FMN2: variants seen among roughly 807,000 people sequenced by gnomAD.
The protein encoded by FMN2 is formin-2.
FMN2 carries 51 observed loss-of-function variants against 142.3 expected under a neutral mutation model. That is an observed-to-expected ratio of 0.36 (90% CI 0.29 to 0.45). The LOEUF is 0.45. FMN2 is among the 20% of genes least tolerant of loss of function. FMN2 has a pLI of 1.00. For missense variants in FMN2, 1,936 were observed against 2,122.8 expected (o/e 0.91, Z 1.73); for synonymous variants, 882 against 869.8 (o/e 1.01, Z -0.25).
intron 13 of FMN2, among the ~76,000 whole-genome samples, chr1:240,344,182 G>A (rs529368010): frequency 3.7e-4 from 57 of 152,310 alleles, no homozygotes; most frequent in African/African-American, 1.3e-3. Context: ...AAACAATTGT[G>A]ATTTTGACAA....
At chr1:240,251,435 G>C (rs533564992) in intron 6 of FMN2, among the ~76,000 whole-genome samples, 1 of 152,218 alleles carries the variant, frequency 6.6e-6, no homozygotes, top group East Asian at 1.9e-4. Context: ...GATCTGAGAA[G>C]ATACTTGATA....
intron 2 of FMN2, among the ~76,000 whole-genome samples, chr1:240,126,610 A>G (rs1415840820): frequency 1.3e-5 from 2 of 152,172 alleles, no homozygotes; most frequent in East Asian, 3.9e-4. Context: ...GTATGAAAAG[A>G]CTTCACATTT....
At chr1:240,267,907 A>G (rs1668872609) in intron 7 of FMN2, among the ~76,000 whole-genome samples, 1 of 152,152 alleles carries the variant, frequency 6.6e-6, no homozygotes, top group Non-Finnish European at 1.5e-5. Flanking sequence ...AACATACGAA[A>G]AAATGTTCTA....
intron 1 of FMN2, among the ~76,000 whole-genome samples, chr1:240,099,589 A>G (rs1661343482): frequency 6.6e-6 from 1 of 152,104 alleles, no homozygotes; most frequent in Non-Finnish European, 1.5e-5. Context: ...TCCTTCATAA[A>G]TGCTCTACTT....
chr1:240,325,385 T>C (rs1462935746), intron 8 of FMN2, among the ~76,000 whole-genome samples: 2 of 151,698 alleles, frequency 1.3e-5, no homozygotes, highest in African/African-American at 4.9e-5. Flanking sequence ...AGGCTTCATT[T>C]GGCCATATTC....
At chr1:240,323,146 C>CCTTTCT (rs772894290) in intron 8 of FMN2, among the ~76,000 whole-genome samples, 19 of 149,802 alleles carry the variant, frequency 1.3e-4, no homozygotes, top group African/African-American at 4.2e-4. Context: ...CTTTTCCTTT[C>CCTTTCT]CTTTCTCTTT....
chr1:240,203,171 C>T (rs1316358891), intron 4 of FMN2, among the ~76,000 whole-genome samples: 1 of 152,256 alleles, frequency 6.6e-6, no homozygotes, highest in East Asian at 1.9e-4. Context: ...TCACTATCAT[C>T]ATACAATTGG....
chr1:240,392,421 A>G, intron 14 of FMN2, 90 bp from the exon 15 acceptor site: 1 of 993,230 alleles, frequency 1.0e-6, no homozygotes, highest in Non-Finnish European at 1.5e-6. Flanking sequence ...AATAATTAAA[A>G]TAAGTTACGT....
At chr1:240,416,262 CTTTTT>C (rs11417639) in intron 15 of FMN2, among the ~76,000 whole-genome samples, 1 of 135,144 alleles carries the variant, frequency 7.4e-6, no homozygotes, top group African/African-American at 2.8e-5. Flanking sequence ...CCTTTCCACT[CTTTTT>C]TTTTTTTTTT....
chr1:240,184,761 G>T (rs1009853311), intron 3 of FMN2, among the ~76,000 whole-genome samples: 1 of 151,922 alleles, frequency 6.6e-6, no homozygotes, highest in African/African-American at 2.4e-5. Flanking sequence ...CGTGGGAGTC[G>T]GGAGTTCCGG....
At chr1:240,468,167 T>A (rs1676682196) in intron 16 of FMN2, among the ~76,000 whole-genome samples, 1 of 151,934 alleles carries the variant, frequency 6.6e-6, no homozygotes, top group African/African-American at 2.4e-5. Context: ...CCCTGGGTAG[T>A]CCCCCTTTGT....
At chr1:240,317,190 C>T (rs1047292289) in intron 8 of FMN2, among the ~76,000 whole-genome samples, 1 of 152,066 alleles carries the variant, frequency 6.6e-6, no homozygotes, top group Non-Finnish European at 1.5e-5. Context: ...GTGGCACGCA[C>T]CTGTAGTCCT....
In FMN2 at chr1:240,123,202, T is replaced by C; in HGVS notation, c.1639T>C (p.Phe547Leu). The C allele has an allele frequency of 4.3e-6, 7 of 1,614,166 alleles. No homozygotes were observed. Among genetic ancestry groups the C allele is most frequent in the Non-Finnish European group, 5.9e-6 (7 of 1,180,030 alleles). Residue 547 changes from phenylalanine (F) to leucine (L), a missense_variant, in exon 2 of 18, where the codon TTC (phenylalanine) becomes CTC (leucine). Physicochemically the swap from Phe to Leu is conservative, Grantham distance 22. Coordinates refer to ENST00000319653, the MANE Select transcript of FMN2 (RefSeq NM_020066.5). ...FTGRTLLEKL[F>L]SQQENGPPEE... is the part of the protein sequence containing the mutation. The stretch of plus-strand genomic sequence containing the variant: ...AGGGCGAACGCTGTTGGAGAAGCTG[T>C]TCAGCCAGCAGGAGAACGGGCCTCC...
rs1246585413 is a variant in FMN2 at position 240,320,067 on chromosome 1, T to A, written c.4216-9009T>A. Among the ~76,000 whole-genome samples, 4 of 152,140 alleles carry A rather than the reference T, an allele frequency of 2.6e-5. No individual in the cohort carries two copies. In the East Asian group the frequency reaches 7.7e-4, roughly 29 times the overall value. The stretch of plus-strand genomic sequence containing the variant: ...TGGCTGGTGGTGACTGGTGAAAGCA[T>A]CCAGGTTAGCAGCAACTGGGGTGTG... On this transcript the variant is annotated intron_variant, in intron 8 of 17. Coordinates refer to ENST00000319653, the MANE Select transcript of FMN2 (RefSeq NM_020066.5).
chr1:240,103,102 G>A (rs1206972774), intron 1 of FMN2, among the ~76,000 whole-genome samples: 1 of 152,070 alleles, frequency 6.6e-6, no homozygotes, highest in Admixed American at 6.6e-5. Context: ...CTGACCTCAG[G>A]TGACCCGCCT....
intron 15 of FMN2, among the ~76,000 whole-genome samples, chr1:240,419,385 T>G (rs1674689042): frequency 6.6e-6 from 1 of 152,216 alleles, no homozygotes; most frequent in African/African-American, 2.4e-5. Context: ...CTCCACAATT[T>G]TACTTTCAAC....
chr1:240,397,294 T>C (rs1255885757), intron 15 of FMN2, among the ~76,000 whole-genome samples: 1 of 152,202 alleles, frequency 6.6e-6, no homozygotes, highest in Non-Finnish European at 1.5e-5. Flanking sequence ...TATTTTTTAA[T>C]TGGATTGTTT....
At chr1:240,140,680 G>A (rs931090091) in intron 2 of FMN2, among the ~76,000 whole-genome samples, 1 of 152,112 alleles carries the variant, frequency 6.6e-6, no homozygotes, top group Non-Finnish European at 1.5e-5. Flanking sequence ...TGGGTGGGAA[G>A]TCTCTTCCAT....
At chr1:240,411,819 A>G (rs994049198) in intron 15 of FMN2, among the ~76,000 whole-genome samples, 5 of 152,166 alleles carry the variant, frequency 3.3e-5, no homozygotes, top group African/African-American at 9.7e-5. Flanking sequence ...GATGATTAAC[A>G]TAGCATTTCT....
Sources: gnomAD v4.1 joint callset for allele counts (sites outside exome capture counted in the v4.1 genomes callset) on GRCh38, gnomAD v4.1.1 for gene constraint, MANE v1.5 for transcripts, NCBI Gene and HGNC (gene_info 2026-07-23, HGNC 2026-07-21) for gene names.